IPO4: variants seen among roughly 807,000 people sequenced by gnomAD.
IPO4 encodes importin-4.
Under a neutral mutation model 133.5 loss-of-function variants are expected in IPO4, and 91 were observed. The ratio of observed to expected loss-of-function variants is 0.68; its 90% CI spans 0.58 to 0.81. The LOEUF (loss-of-function observed/expected upper bound fraction) is 0.81, where lower values mean the gene tolerates loss of function less well. IPO4 is among the 30% of genes least tolerant of loss of function. IPO4 has a pLI of 0.00. For synonymous variants in IPO4, 607 were observed against 581.6 expected (o/e 1.04, Z -0.63); for missense variants, 1,279 against 1,386.2 (o/e 0.92, Z 1.23).
rs371506022 is a variant in IPO4, at chr14:24,186,459, G to A, written c.841-8C>T. On this transcript the variant is annotated splice_region_variant and splice_polypyrimidine_tract_variant and intron_variant, in intron 9 of 29. Coordinates refer to ENST00000354464, the MANE Select transcript of IPO4 (RefSeq NM_024658.4). ...ACGATTCTTCAGTAAGGCCTTGACA[G>A]AGAAGGTGGAACAGTGTCCCTAAGA... 8 of 1,567,820 alleles carry A rather than the reference G, an allele frequency of 5.1e-6. No individual in the cohort carries two copies. In the East Asian group the frequency reaches 9.0e-5, roughly 18 times the overall value.
In IPO4 at chr14:24,182,826, G is replaced by A. The variant is rs755115743; in HGVS notation, c.2438C>T (p.Thr813Ile). Residue 813 changes from threonine to isoleucine, a missense_variant, in exon 24 of 30, where the codon ACT (threonine) becomes ATT (isoleucine). Physicochemically the swap from Thr to Ile is moderately conservative, Grantham distance 89. Around this residue, in one of 3 missense-constraint regions of IPO4, gnomAD observed 575 missense variants for 653.4 expected, o/e 0.88. Transcript: ENST00000354464. ...ATCTTCCTCTTCCTCCTCCTCGTCAGTATCCTGACAGGCTGTCTACAAGAA... is the reference window on the plus strand; with the variant it reads ...ATCTTCCTCTTCCTCCTCCTCGTCAATATCCTGACAGGCTGTCTACAAGAA... ...VLQRKTACQD[T>I]DEEEEEEDDD... The A allele has an allele frequency of 1.1e-5, 18 of 1,614,156 alleles. No homozygotes were observed. Among genetic ancestry groups the A allele is most frequent in the South Asian group, 2.2e-5 (2 of 91,090 alleles).
chr14:24,186,665 G>A (rs748082486), intron 9 of IPO4, 43 bp downstream of exon 9: 25 of 1,543,046 alleles, frequency 1.6e-5, no homozygotes, highest in Non-Finnish European at 2.1e-5. Context: ...ACTAAGGGTG[G>A]AGATGGGGGT....
Position 24,187,503 on chromosome 14 carries a change from CGAA to C in IPO4, c.482_484del (p.Leu161del), listed in dbSNP as rs1566645393. ...CTCACCAAGAGTCTCATTCAGAAGC[CGAA>C]GAAGCTCCCGGTGGTGGGGTTGGAA... On this transcript the variant is annotated inframe_deletion, in exon 6 of 30. Coordinates refer to ENST00000354464, the MANE Select transcript of IPO4 (RefSeq NM_024658.4). 6 of 1,614,098 alleles carry C rather than the reference CGAA, an allele frequency of 3.7e-6. No individual in the cohort carries two copies. The highest frequency in any genetic ancestry group is 5.1e-6 in the Non-Finnish European group (6 of 1,180,006).
Position 24,183,587 on chromosome 14 carries a change from C to T in IPO4, c.2063+3G>A. On this transcript the variant is annotated splice_donor_region_variant and intron_variant, in intron 20 of 29. Coordinates refer to ENST00000354464, the MANE Select transcript of IPO4 (RefSeq NM_024658.4). ...TCAGTGCCAGGGAAGGGCGAATGCT[C>T]ACCTGGTGTTCACAGAGATCTCCCC... The T allele has an allele frequency of 6.2e-7, 1 of 1,614,164 alleles. No individual in the cohort carries two copies. The highest frequency in any genetic ancestry group is 8.5e-7 in the Non-Finnish European group (1 of 1,180,022).
chr14:24,187,161 C>T lies in IPO4; in HGVS notation c.589-11G>A, dbSNP rs777387127. The stretch of plus-strand genomic sequence containing the variant: ...CATCCGAGCGAGAGGCTGAGGGACA[C>T]ATCACAGAGAGCATGATGCAGCCCA... On this transcript the variant is annotated splice_polypyrimidine_tract_variant and intron_variant, in intron 6 of 29. Coordinates refer to ENST00000354464, the MANE Select transcript of IPO4 (RefSeq NM_024658.4). 1 of 1,613,022 alleles carries T rather than the reference C, an allele frequency of 6.2e-7. No individual in the cohort carries two copies. Among genetic ancestry groups the T allele is most frequent in the South Asian group, 1.1e-5 (1 of 91,064 alleles).
At chr14:24,181,073 C>A (rs535616108) in intron 28 of IPO4, among the ~76,000 whole-genome samples, 1 of 152,220 alleles carries the variant, frequency 6.6e-6, no homozygotes, top group Non-Finnish European at 1.5e-5. Context: ...GACACAAACA[C>A]TCTGACATGA....
At chr14:24,184,598 G>T in intron 16 of IPO4, 52 bp downstream of exon 16, 1 of 1,458,698 alleles carries the variant, frequency 6.9e-7, no homozygotes. Context: ...CACCAGGTGA[G>T]CACCAGCCCT....
rs761784526 is a variant in IPO4, at chr14:24,182,086, G to A, written c.2676C>T (p.Ala892=). The change falls in exon 26 of 30, where the codon GCC becomes GCT. Residue 892 remains alanine, a synonymous_variant. Coordinates refer to ENST00000354464, the MANE Select transcript of IPO4 (RefSeq NM_024658.4). ...GCAGCCGAGACACAAACTGGGCTGA[G>A]GCAGCACCCAGGCCCTGAATAGTCT... ...LAETIQGLGA[A]SAQFVSRLLP... 5.6e-6 allele frequency: 9 copies of A among 1,613,918 alleles called. No homozygotes were observed. Among genetic ancestry groups the A allele is most frequent in the Admixed American group, 1.7e-5 (1 of 60,006 alleles).
rs759064519 is a variant in IPO4 at position 24,186,701 on chromosome 14, C to G, written c.840+7G>C. 1 of 1,612,840 alleles carries G rather than the reference C, an allele frequency of 6.2e-7. No individual in the cohort carries two copies. The highest frequency in any genetic ancestry group is 1.7e-5 in the Admixed American group (1 of 59,998). ...GGGGTGATGTGTGTCAATGGGCACT[C>G]ACTTACCTTGCTCTTGACTTTGACC... On this transcript the variant is annotated splice_region_variant and intron_variant, in intron 9 of 29. Transcript: ENST00000354464.
In IPO4 at chr14:24,185,958, C is replaced by G; in HGVS notation, c.1072G>C (p.Glu358Gln). The G allele has an allele frequency of 6.2e-7, 1 of 1,614,070 alleles. No individual in the cohort carries two copies. Residue 358 changes from glutamate (E) to glutamine (Q), a missense_variant, in exon 12 of 30, where the codon GAA becomes CAA. By Grantham distance (29) the Glu-to-Gln change is conservative. Around this residue, in one of 3 missense-constraint regions of IPO4, gnomAD observed 695 missense variants for 704.1 expected, o/e 0.99. Transcript: ENST00000354464. ...KLCPQLMPML[E>Q]EALRSESPYQ... ...GGGCTCTCGCTCCGCAAAGCCTCTT[C>G]CAACATGGGCATCTAGGGAAGCATG... is the stretch of plus-strand genomic sequence containing the variant.
chr14:24,183,187 T>C lies in IPO4; in HGVS notation c.2228-18A>G, dbSNP rs756763891. On this transcript the variant is annotated intron_variant, in intron 22 of 29. Coordinates refer to ENST00000354464, the MANE Select transcript of IPO4 (RefSeq NM_024658.4). ...CTGCAAAGCTGGGGACATTATTGGCTGAAGCACCAGTCAGGCCCTGCCCCT... is the reference window on the plus strand; with the variant it reads ...CTGCAAAGCTGGGGACATTATTGGCCGAAGCACCAGTCAGGCCCTGCCCCT... 1 of 1,609,956 alleles carries C rather than the reference T, an allele frequency of 6.2e-7. No individual in the cohort carries two copies. Among genetic ancestry groups the C allele is most frequent in the East Asian group, 2.2e-5 (1 of 44,740 alleles).
chr14:24,182,307 C>G lies in IPO4; in HGVS notation c.2569G>C (p.Gly857Arg), dbSNP rs202112878. ...TTGCACACCAATAATGGCAGGAAAC[C>G]GGCAAAGAATGGGGCAAAGGAGTCT... Reference protein sequence around the residue: ...GGDSFAPFFAGFLPLLVCKTK... With the variant: ...GGDSFAPFFARFLPLLVCKTK... The change falls in exon 25 of 30, where the codon GGT (glycine) becomes CGT (arginine). Residue 857 changes from glycine (G) to arginine (R), a missense_variant. Coordinates refer to ENST00000354464, the MANE Select transcript of IPO4 (RefSeq NM_024658.4). The G allele has an allele frequency of 2.9e-5, 47 of 1,614,050 alleles. No individual in the cohort carries two copies. The African/African-American group carries it at 5.7e-4, about 20-fold the overall frequency.
In IPO4 at chr14:24,180,681, A is replaced by G. The variant is rs1368532817; in HGVS notation, c.3115+8T>C. 1.9e-6 allele frequency: 3 copies of G among 1,614,098 alleles called. No individual in the cohort carries two copies. The highest frequency in any genetic ancestry group is 1.7e-5 in the Admixed American group (1 of 60,022). ...CCGCAAGCCCCTGCCTATGACTCCT[A>G]CCCTCACCTGGTGGGATCTTGTTGT... On this transcript the variant is annotated splice_region_variant and intron_variant, in intron 29 of 29. Coordinates refer to ENST00000354464, the MANE Select transcript of IPO4 (RefSeq NM_024658.4).
Position 24,188,606 on chromosome 14 carries a change from G to T in IPO4, c.102C>A (p.Ala34=). 6.2e-7 allele frequency: 1 copy of T among 1,612,160 alleles called. No homozygotes were observed. The highest frequency in any genetic ancestry group is 2.2e-5 in the East Asian group (1 of 44,832). ...CGCAGAGAGCCGGCAAAGCGGCGGG[G>T]GCCCGAAGAACGATCTGGAGCTGTT... ...ATEQLQIVLR[A]PAALPALCDL... Residue 34 remains alanine (A), a synonymous_variant, in exon 2 of 30, where the codon GCC becomes GCA. Transcript: ENST00000354464.
intron 14 of IPO4, 33 bp from the exon 15 acceptor site, chr14:24,185,013 C>A (rs777054231): frequency 2.5e-6 from 4 of 1,605,092 alleles, no homozygotes; most frequent in Non-Finnish European, 3.4e-6. Flanking sequence ...ACCAACCAAC[C>A]CAGGTCTGCT....
At position 24,186,973 on chromosome 14, in the gene IPO4, C is replaced by T; in HGVS notation, c.661G>A (p.Ala221Thr). 1 of 1,614,088 alleles carries T rather than the reference C, an allele frequency of 6.2e-7. No homozygotes were observed. Among genetic ancestry groups the T allele is most frequent in the Non-Finnish European group, 8.5e-7 (1 of 1,179,940 alleles). Residue 221 changes from alanine (A) to threonine (T), a missense_variant, in exon 8 of 30, where the codon GCC (alanine) becomes ACC (threonine). By Grantham distance (58) the Ala-to-Thr change is moderately conservative (BLOSUM62 0). This residue lies in a region of IPO4 where 695 missense variants were observed against 704.1 expected (regional missense o/e 0.99). Transcript: ENST00000354464. The stretch of plus-strand genomic sequence containing the variant: ...TCCAAAGCCTCAAGGGCCTCACAGG[C>T]CTTTGCCTGACAGACAAACAAGGCA... ...QTLIPIDEAK[A>T]CEALEALDEL...
intron 9 of IPO4, 33 bp downstream of exon 9, chr14:24,186,670 GGGGGT>G: frequency 6.4e-7 from 1 of 1,555,438 alleles, no homozygotes; most frequent in Non-Finnish European, 8.9e-7. Context: ...GGGTGGAGAT[GGGGGT>G]GGGGTGATGT....
intron 17 of IPO4, 56 bp from the exon 18 acceptor site, chr14:24,184,165 A>C (rs2039183944): frequency 2.5e-6 from 4 of 1,583,396 alleles, no homozygotes; most frequent in Non-Finnish European, 3.5e-6. Flanking sequence ...ACCAGGCAGG[A>C]TGGGGGAGCC....
At position 24,185,158 on chromosome 14, in the gene IPO4, CCAAGCTCCCCACTGCCATCA is replaced by C; in HGVS notation, c.1408+5_1408+24del. ...AAAGCCGCCGCCTCATCCCCCTTCCCCAAGCTCCCCACTGCCATCACTACCTAGGTTCTCCACAAAATTCT... is the reference window on the plus strand; with the variant it reads ...AAAGCCGCCGCCTCATCCCCCTTCCCCTACCTAGGTTCTCCACAAAATTCT... On this transcript the variant is annotated splice_donor_5th_base_variant and intron_variant, in intron 14 of 29. Transcript: ENST00000354464. The C allele has an allele frequency of 6.2e-7, 1 of 1,613,524 alleles. No individual in the cohort carries two copies. Among genetic ancestry groups the C allele is most frequent in the Non-Finnish European group, 8.5e-7 (1 of 1,179,642 alleles).
Sources: allele counts gnomAD v4.1 joint callset (sites outside exome capture counted in the v4.1 genomes callset), GRCh38; gene constraint gnomAD v4.1.1; regional missense constraint gnomAD v4.1.1; transcripts MANE v1.5; gene names NCBI Gene and HGNC (gene_info 2026-07-23, HGNC 2026-07-21).